The following IGFL2 variants were observed in gnomAD, a reference collection of about 807,000 sequenced individuals.
IGFL2 encodes the protein IGF like family member 2.
Under a neutral mutation model 13.9 loss-of-function variants are expected in IGFL2, and 7 were observed. That is an observed-to-expected ratio of 0.51 (90% CI 0.29 to 0.95). The LOEUF is 0.95. Among genes scored for constraint, IGFL2 ranks in the 40% least tolerant of loss-of-function variants. IGFL2 has a pLI of 0.08. For missense variants in IGFL2, 138 were observed against 147.8 expected (o/e 0.93, Z 0.34); for synonymous variants, 55 against 55.8 (o/e 0.99, Z 0.07).
At chr19:46,109,699 A>T in the IGFL2 span, among the ~76,000 whole-genome samples, 1 of 151,620 alleles carries the variant, frequency 6.6e-6, no homozygotes, top group Non-Finnish European at 1.5e-5. Context: ...TACCTTCTCA[A>T]GGGTGGGGAG....
At chr19:46,178,102 C>A in the IGFL2 span, among the ~76,000 whole-genome samples, 1 of 152,038 alleles carries the variant, frequency 6.6e-6, no homozygotes, top group Non-Finnish European at 1.5e-5. Flanking sequence ...CATGATGAAA[C>A]CCTGTCTCTA....
chr19:46,137,531 TC>T, the IGFL2 span: 1 of 1,075,568 alleles, frequency 9.3e-7, no homozygotes, highest in Middle Eastern at 2.1e-4. Context: ...TGAAGGAAGG[TC>T]CAAGGGAATG....
At chr19:46,136,049 T>C in the IGFL2 span, among the ~76,000 whole-genome samples, 2 of 152,206 alleles carry the variant, frequency 1.3e-5, no homozygotes, top group Admixed American at 6.5e-5. Context: ...CCTTGGAGAA[T>C]CTGATGACTG....
chr19:46,156,980 A>G (rs1401964577), intron 1 of IGFL2, among the ~76,000 whole-genome samples: 1 of 152,204 alleles, frequency 6.6e-6, no homozygotes, highest in South Asian at 2.1e-4. Context: ...CTAAAAGAAT[A>G]ATAGTGGAAA....
At chr19:46,190,441 T>C in the IGFL2 span, 1 of 152,276 alleles carries the variant, frequency 6.6e-6, no homozygotes, top group African/African-American at 2.4e-5. Context: ...ACCAGAGTCC[T>C]TGAGCAAAGT....
chr19:46,209,878 C>G, the IGFL2 span: 1 of 151,536 alleles, frequency 6.6e-6, no homozygotes, highest in African/African-American at 2.4e-5. Flanking sequence ...TTTTTTTGCT[C>G]AAAATATCAC....
chr19:46,111,373 A>G, the IGFL2 span: 8 of 152,338 alleles, frequency 5.3e-5, no homozygotes, highest in East Asian at 5.8e-4. Flanking sequence ...TAAAATAAGT[A>G]TGTATATCTG....
the IGFL2 span, among the ~76,000 whole-genome samples, chr19:46,091,580 A>G: frequency 1.3e-5 from 2 of 152,198 alleles, no homozygotes; most frequent in Non-Finnish European, 2.9e-5. Context: ...TTTATTTATA[A>G]TATGTTTTGT....
chr19:46,197,172 C>A, the IGFL2 span: 3 of 226,342 alleles, frequency 1.3e-5, no homozygotes, highest in South Asian at 2.0e-4. Context: ...CCTTCAGAGT[C>A]TGCTTCGAGA....
chr19:46,129,712 A>G, the IGFL2 span, among the ~76,000 whole-genome samples: 9 of 152,168 alleles, frequency 5.9e-5, no homozygotes, highest in Middle Eastern at 3.4e-3. Flanking sequence ...TGATTGTGCT[A>G]TGGTCTGAGA....
the IGFL2 span, chr19:46,123,966 C>T: frequency 6.2e-7 from 1 of 1,611,572 alleles, no homozygotes; most frequent in Non-Finnish European, 8.5e-7. Flanking sequence ...GAAACTTCTG[C>T]TGGGGGCCAA....
chr19:46,148,998 G>A (rs1225600033), intron 1 of IGFL2: 1 of 1,603,604 alleles, frequency 6.2e-7, no homozygotes, highest in Non-Finnish European at 8.5e-7. Flanking sequence ...GAGGTTCAGT[G>A]TCTCAGGCAT....
the IGFL2 span, chr19:46,197,121 C>A: frequency 4.4e-6 from 1 of 225,178 alleles, no homozygotes; most frequent in South Asian, 6.9e-5. Flanking sequence ...TATGACAATG[C>A]CATCCTGCCC....
At chr19:46,102,389 G>A in the IGFL2 span, among the ~76,000 whole-genome samples, 3 of 152,190 alleles carry the variant, frequency 2.0e-5, no homozygotes, top group African/African-American at 7.2e-5. Context: ...GCAGCGGGTG[G>A]ATCTTACAAA....
At chr19:46,175,388 G>T in the IGFL2 span, among the ~76,000 whole-genome samples, 1 of 152,138 alleles carries the variant, frequency 6.6e-6, no homozygotes, top group African/African-American at 2.4e-5. Context: ...TAGAGCCCAG[G>T]TTCTTAAACA....
the IGFL2 span, chr19:46,111,982 A>G: frequency 1.3e-5 from 2 of 152,244 alleles, no homozygotes; most frequent in African/African-American, 2.4e-5. Context: ...GCTTTGTTAC[A>G]TGGAACTTTT....
chr19:46,110,746 C>T, the IGFL2 span, among the ~76,000 whole-genome samples: 2 of 152,000 alleles, frequency 1.3e-5, no homozygotes, highest in African/African-American at 4.8e-5. Context: ...AAGTAAACAC[C>T]CAGAAGTGAT....
chr19:46,190,905 C>T, the IGFL2 span, among the ~76,000 whole-genome samples: 11 of 152,238 alleles, frequency 7.2e-5, no homozygotes, highest in Admixed American at 2.0e-4. Context: ...GTTGACTATT[C>T]GGGAGTCCCG....
the IGFL2 span, among the ~76,000 whole-genome samples, chr19:46,182,762 C>G: frequency 6.6e-6 from 1 of 152,162 alleles, no homozygotes; most frequent in Non-Finnish European, 1.5e-5. Flanking sequence ...GTTTCTCCAT[C>G]CACCTGCTGA....
Sources: allele counts gnomAD v4.1 joint callset (sites outside exome capture counted in the v4.1 genomes callset), GRCh38; gene constraint gnomAD v4.1.1; transcripts MANE v1.5; gene names NCBI Gene and HGNC (gene_info 2026-07-23, HGNC 2026-07-21).